Variants in CDYL observed in about 807,000 individuals in gnomAD.
CDYL encodes the protein chromodomain Y-like protein.
A neutral mutation model predicts 47.3 loss-of-function variants in CDYL; 8 were observed. The observed-to-expected ratio is 0.17, with a 90% confidence interval of 0.10 to 0.31. The LOEUF (loss-of-function observed/expected upper bound fraction) is 0.31. CDYL is among the 10% of genes least tolerant of loss of function. The pLI is 1.00. For missense variants in CDYL, 471 were observed against 701.4 expected (o/e 0.67, Z 3.71); for synonymous variants, 266 against 265.0 (o/e 1.00, Z -0.04).
chr6:4,910,795 G>C (rs1346527583), intron 2 of CDYL, among the ~76,000 whole-genome samples: 1 of 152,072 alleles, frequency 6.6e-6, no homozygotes, highest in Non-Finnish European at 1.5e-5. Context: ...GAGTGTTTCT[G>C]ATGGTTTATA....
At chr6:4,920,394 A>G (rs1312652160) in intron 2 of CDYL, among the ~76,000 whole-genome samples, 4 of 152,212 alleles carry the variant, frequency 2.6e-5, no homozygotes, top group Non-Finnish European at 5.9e-5. Flanking sequence ...AAAAATATGC[A>G]TATACAATAT....
exon 2 of CDYL, chr6:4,715,790 G>A: frequency 1.2e-6 from 2 of 1,614,092 alleles, no homozygotes; most frequent in Non-Finnish European, 1.7e-6. Flanking sequence ...TGACATTTCA[G>A]GCAAGCCACA....
intron 2 of CDYL, among the ~76,000 whole-genome samples, chr6:4,913,865 A>G (rs1383639737): frequency 6.6e-6 from 1 of 152,270 alleles, no homozygotes; most frequent in African/African-American, 2.4e-5. Context: ...GAAGCAGCCC[A>G]GATTTGGCCA....
chr6:4,817,369 A>C (rs938569283), intron 1 of CDYL, among the ~76,000 whole-genome samples: 3 of 151,392 alleles, frequency 2.0e-5, no homozygotes, highest in African/African-American at 7.3e-5. Context: ...AAAAAAAAAA[A>C]CTGTGAAATT....
intron 1 of CDYL, among the ~76,000 whole-genome samples, chr6:4,838,755 C>G (rs1053592980): frequency 2.6e-5 from 4 of 151,948 alleles, no homozygotes; most frequent in Non-Finnish European, 5.9e-5. Context: ...GGTGCCATCT[C>G]AGCTCAATGC....
At chr6:4,844,720 T>C (rs953083866) in intron 1 of CDYL, among the ~76,000 whole-genome samples, 3 of 152,238 alleles carry the variant, frequency 2.0e-5, no homozygotes, top group African/African-American at 7.2e-5. Flanking sequence ...CTGTAAGCCA[T>C]CATTTTATTA....
intron 2 of CDYL, among the ~76,000 whole-genome samples, chr6:4,910,520 G>A (rs531094951): frequency 7.9e-4 from 120 of 152,316 alleles, no homozygotes; most frequent in African/African-American, 2.8e-3. Flanking sequence ...TGACTGATTT[G>A]TCCTCTGAAA....
chr6:4,916,054 A>T lies in CDYL; in HGVS notation c.692-19461A>T, dbSNP rs145986262. On this transcript the variant is annotated intron_variant, in intron 2 of 6. Coordinates refer to ENST00000397588, the MANE Select transcript of CDYL (RefSeq NM_004824.4). The stretch of plus-strand genomic sequence containing the variant: ...CATCCTGCCTTCCTAGGCCAAACCA[A>T]TGTATACCTTACATGTATTGATTTA... Among the ~76,000 whole-genome samples, 7 of 152,178 alleles carry T rather than the reference A, an allele frequency of 4.6e-5. 1 individual carries two copies. The highest frequency in any genetic ancestry group is 1.7e-4 in the African/African-American group (7 of 41,512).
intron 1 of CDYL, among the ~76,000 whole-genome samples, chr6:4,861,103 C>T (rs1378735473): frequency 6.6e-6 from 1 of 152,180 alleles, no homozygotes; most frequent in Admixed American, 6.5e-5. Context: ...TTATTTGATG[C>T]AGAGGATCTA....
intron 1 of CDYL, among the ~76,000 whole-genome samples, chr6:4,843,510 T>C (rs1017805111): frequency 1.6e-5 from 2 of 125,204 alleles, no homozygotes; most frequent in African/African-American, 3.6e-5. Context: ...AGGCTTTTTC[T>C]TTTTTTTTTT....
rs1758737231 is a variant in CDYL, at chr6:4,785,694, C to T, written c.24+8887C>T. 2.0e-5 allele frequency among the ~76,000 whole-genome samples: 3 copies of T among 152,174 alleles called. No individual in the cohort carries two copies. The South Asian group carries it at 6.2e-4, about 32-fold the overall frequency. On this transcript the variant is annotated intron_variant, in intron 1 of 6. Transcript: ENST00000397588. ...CTTAGTTTGCAAAAAGATGCACCAC[C>T]CCATGCACACTGGACAACAGCTCTG...
chr6:4,907,118 T>C (rs1757262200), intron 2 of CDYL, among the ~76,000 whole-genome samples: 2 of 152,208 alleles, frequency 1.3e-5, no homozygotes, highest in Non-Finnish European at 2.9e-5. Context: ...CACATTACTG[T>C]GTAACATTAG....
chr6:4,877,486 C>T (rs1463853891), intron 1 of CDYL, among the ~76,000 whole-genome samples: 16 of 152,146 alleles, frequency 1.1e-4, no homozygotes, highest in Non-Finnish European at 2.2e-4. Flanking sequence ...GCCTGTAATG[C>T]ATCTTGAATG....
intron 1 of CDYL, chr6:4,714,523 G>T (rs546462379): frequency 6.6e-6 from 1 of 152,248 alleles, no homozygotes; most frequent in Admixed American, 6.5e-5. Flanking sequence ...CATGGTTCAG[G>T]ACACCAAAGA....
At chr6:4,823,579 CA>C (rs1241286348) in intron 1 of CDYL, among the ~76,000 whole-genome samples, 1 of 152,134 alleles carries the variant, frequency 6.6e-6, no homozygotes, top group Non-Finnish European at 1.5e-5. Flanking sequence ...TAAATTCCCC[CA>C]AACAGAAACT....
upstream of CDYL, among the ~76,000 whole-genome samples, chr6:4,773,428 T>C (rs965354713): frequency 3.3e-5 from 5 of 152,184 alleles, no homozygotes; most frequent in African/African-American, 1.2e-4. This position sits in a 1 kb window ranked among gnomAD's most constrained non-coding sequence, Gnocchi z 4.6. Flanking sequence ...CACTGTTTCA[T>C]AAAAGGTGGT....
intron 1 of CDYL, among the ~76,000 whole-genome samples, chr6:4,882,162 CAA>C (rs1243984940): frequency 6.6e-6 from 1 of 152,162 alleles, no homozygotes; most frequent in Non-Finnish European, 1.5e-5. Flanking sequence ...ATCCATGACT[CAA>C]GAGTCTCTTG....
exon 2 of CDYL, chr6:4,715,767 C>T (rs759338992): frequency 2.3e-5 from 37 of 1,613,726 alleles, no homozygotes; most frequent in Non-Finnish European, 2.3e-5. Context: ...ACAGAGCCCC[C>T]GGAAGAATTT....
At chr6:4,842,948 TTTTG>T (rs1325481023) in intron 1 of CDYL, among the ~76,000 whole-genome samples, 1 of 152,204 alleles carries the variant, frequency 6.6e-6, no homozygotes, top group African/African-American at 2.4e-5. Flanking sequence ...TTTTAGCAGT[TTTTG>T]TTTCAAGATT....
Sources: gnomAD v4.1 joint callset for allele counts (sites outside exome capture counted in the v4.1 genomes callset) on GRCh38, gnomAD v4.1.1 for gene constraint, Gnocchi (gnomAD v3.1) non-coding constraint, MANE v1.5 for transcripts, NCBI Gene and HGNC (gene_info 2026-07-23, HGNC 2026-07-21) for gene names.